The following ZNF30 variants were observed in gnomAD, a reference collection of about 807,000 sequenced individuals.
The protein encoded by ZNF30 is zinc finger protein 30, also known as zinc finger protein 30 (KOX 28).
ZNF30 carries 15 observed loss-of-function variants against 13.2 expected under a neutral mutation model. The ratio of observed to expected loss-of-function variants is 1.13; its 90% CI spans 0.76 to 1.75. The LOEUF (loss-of-function observed/expected upper bound fraction) is 1.75, where lower values mean the gene tolerates loss of function less well. ZNF30 is among the 40% of genes most tolerant of loss of function. ZNF30 has a pLI of 0.00. For synonymous variants in ZNF30, 223 were observed against 256.6 expected, an observed-to-expected ratio of 0.87 and a Z score of 1.25; for missense variants, 726 against 757.0, an observed-to-expected ratio of 0.96 and a Z score of 0.48.
upstream of ZNF30, among the ~76,000 whole-genome samples, chr19:34,925,041 G>C (rs543238742): frequency 3.3e-5 from 5 of 152,324 alleles, no homozygotes; most frequent in South Asian, 2.1e-4. Context: ...CCCTGGCAGG[G>C]CGTGCGATGG....
chr19:34,930,472 C>T (rs1893991396), intron 2 of ZNF30, among the ~76,000 whole-genome samples: 1 of 152,052 alleles, frequency 6.6e-6, no homozygotes, highest in Admixed American at 6.6e-5. Flanking sequence ...GAGAGTGATA[C>T]TAAGGTCAAT....
chr19:34,939,649 G>A (rs537981922), intron 4 of ZNF30, among the ~76,000 whole-genome samples: 10 of 152,308 alleles, frequency 6.6e-5, no homozygotes, highest in African/African-American at 2.4e-4. Context: ...ACATGCAGGT[G>A]ATGTGTCCAG....
chr19:34,938,971 A>C (rs994758795), intron 4 of ZNF30, among the ~76,000 whole-genome samples: 1 of 152,176 alleles, frequency 6.6e-6, no homozygotes, highest in Non-Finnish European at 1.5e-5. Context: ...CAGTACCCTT[A>C]GCAATTCCAC....
upstream of ZNF30, among the ~76,000 whole-genome samples, chr19:34,924,693 C>G (rs2012004935): frequency 6.6e-6 from 1 of 152,186 alleles, no homozygotes; most frequent in Non-Finnish European, 1.5e-5. Context: ...ATTCTCACTC[C>G]AGGTCTATCA....
At chr19:34,926,675 T>G, upstream of ZNF30, 1 of 320,242 alleles carries the variant, frequency 3.1e-6, no homozygotes, top group Non-Finnish European at 5.6e-6. Context: ...AGTAATAACA[T>G]ATTTTGGTAT....
At chr19:34,935,410 T>G (rs1277555323) in intron 4 of ZNF30, among the ~76,000 whole-genome samples, 1 of 152,016 alleles carries the variant, frequency 6.6e-6, no homozygotes, top group Non-Finnish European at 1.5e-5. Flanking sequence ...CAGTTACCTT[T>G]CTCCCTCCCT....
intron 3 of ZNF30, among the ~76,000 whole-genome samples, chr19:34,932,784 T>TC (rs2012522340): frequency 2.0e-5 from 3 of 149,606 alleles, no homozygotes; most frequent in African/African-American, 4.9e-5. Context: ...ATACTTTCTT[T>TC]TTTTTTTTTT....
chr19:34,932,994 TGGTCTC>T (rs1381586514), intron 3 of ZNF30, among the ~76,000 whole-genome samples: 1 of 151,882 alleles, frequency 6.6e-6, no homozygotes, highest in African/African-American at 2.4e-5. Context: ...TTGACCAGGC[TGGTCTC>T]GAACTCCTGA....
Position 34,944,740 on chromosome 19 carries a change from G to T in ZNF30, c.1774G>T (p.Gly592Cys), listed in dbSNP as rs767253813. The T allele has an allele frequency of 1.3e-5, 21 of 1,613,832 alleles. No homozygotes were observed. The highest frequency in any genetic ancestry group is 1.5e-5 in the Non-Finnish European group (18 of 1,179,910). The change falls in exon 5 of 5, where the codon GGT (glycine) becomes TGT (cysteine). Residue 592 changes from glycine to cysteine, a missense_variant. Coordinates refer to ENST00000601142, the MANE Select transcript of ZNF30 (RefSeq NM_194325.3). Reference sequence around the variant, plus strand: ...TACTGAACATCAGCGGGTACACACTGGTGAGAAACCCTTTAAATGCAAAAA... The same window carrying T: ...TACTGAACATCAGCGGGTACACACTTGTGAGAAACCCTTTAAATGCAAAAA... ...FLTEHQRVHT[G>C]EKPFKCKKCG... is the part of the protein sequence containing the mutation.
At chr19:34,929,776 G>C in intron 1 of ZNF30, 108 bp from the exon 2 acceptor site, 1 of 578,202 alleles carries the variant, frequency 1.7e-6, no homozygotes, top group Non-Finnish European at 2.9e-6. Context: ...TTTTGTTTGA[G>C]GGTGTTTGTA....
chr19:34,939,174 C>T (rs1225640598), intron 4 of ZNF30, among the ~76,000 whole-genome samples: 1 of 133,750 alleles, frequency 7.5e-6, no homozygotes, highest in Non-Finnish European at 1.6e-5. Context: ...CCTCCGCTCC[C>T]CTCCCTCCCC....
chr19:34,934,437 T>A (rs911818990), intron 4 of ZNF30, among the ~76,000 whole-genome samples: 2 of 152,246 alleles, frequency 1.3e-5, no homozygotes, highest in Middle Eastern at 3.4e-3. Flanking sequence ...CTAATTTTTT[T>A]AATCTTCAGT....
rs1350248660 is a variant in ZNF30 at position 34,944,985 on chromosome 19, T to C, written c.*147T>C. ...AATTCATAATATAACTCAGAAAACA[T>C]AAGAATATTCCTTTGTCATTTATAG... is the stretch of plus-strand genomic sequence containing the variant. On this transcript the variant is annotated 3_prime_UTR_variant, in exon 5 of 5. Coordinates refer to ENST00000601142, the MANE Select transcript of ZNF30 (RefSeq NM_194325.3). 2.6e-6 allele frequency: 2 copies of C among 757,452 alleles called. No homozygotes were observed. Among genetic ancestry groups the C allele is most frequent in the Non-Finnish European group, 4.0e-6 (2 of 504,544 alleles). The allele number at this position is 757,452 out of a possible 1,614,324, so 46.9% of individuals were successfully genotyped here. A position where few individuals can be genotyped will look rare whatever the true frequency, so the allele number is the denominator to read the frequency against.
upstream of ZNF30, among the ~76,000 whole-genome samples, chr19:34,925,182 G>A (rs1203491576): frequency 1.5e-5 from 2 of 135,008 alleles, no homozygotes; most frequent in Admixed American, 6.9e-5. Context: ...CCCAGTGGGC[G>A]TGTTACAGGA....
intron 1 of ZNF30, among the ~76,000 whole-genome samples, chr19:34,928,754 G>C (rs1266317205): frequency 6.6e-6 from 1 of 152,150 alleles, no homozygotes; most frequent in Non-Finnish European, 1.5e-5. Flanking sequence ...GGAGGTTGCA[G>C]TGAGCCAAGA....
intron 4 of ZNF30, among the ~76,000 whole-genome samples, chr19:34,937,206 T>A (rs2012788383): frequency 6.6e-6 from 1 of 151,494 alleles, no homozygotes; most frequent in South Asian, 2.1e-4. Flanking sequence ...AGAGATGGGG[T>A]TTCATCATGT....
chr19:34,928,220 A>AAATATATATATAT (rs1555778254), intron 1 of ZNF30, among the ~76,000 whole-genome samples: 32 of 73,346 alleles, frequency 4.4e-4, no homozygotes, highest in Non-Finnish European at 5.9e-4. Flanking sequence ...AAAAAAAAAA[A>AAATATATATATAT]ATATATATAT....
upstream of ZNF30, chr19:34,926,803 C>T (rs1301980716): frequency 2.8e-5 from 11 of 396,022 alleles, no homozygotes; most frequent in Non-Finnish European, 4.4e-5. Flanking sequence ...TCAGACGCCC[C>T]AGCTTCGAGG....
intron 2 of ZNF30, among the ~76,000 whole-genome samples, chr19:34,930,871 AT>A (rs1417692522): frequency 6.6e-6 from 1 of 152,050 alleles, no homozygotes; most frequent in African/African-American, 2.4e-5. Flanking sequence ...TCAAAAAAAA[AT>A]TTAAAAAAAC....
Sources: allele counts gnomAD v4.1 joint callset (sites outside exome capture counted in the v4.1 genomes callset), GRCh38; gene constraint gnomAD v4.1.1; transcripts MANE v1.5; gene names NCBI Gene and HGNC (gene_info 2026-07-23, HGNC 2026-07-21).